Variants in LYPD6B observed in about 807,000 individuals in gnomAD.
The protein encoded by LYPD6B is ly6/PLAUR domain-containing protein 6B.
In LYPD6B, 17 loss-of-function variants were observed where a neutral mutation model predicts 22.8. The observed-to-expected ratio is 0.75, with a 90% CI of 0.51 to 1.12. The LOEUF is 1.12. Ranked by LOEUF, LYPD6B falls within the 50% of genes most tolerant of loss-of-function variation. LYPD6B has a pLI of 0.00. For synonymous variants in LYPD6B, 106 were observed against 91.6 expected (o/e 1.16, Z -0.90); for missense variants, 221 against 258.3 (o/e 0.86, Z 0.99).
At chr2:149,160,466 G>A (rs1160892170) in intron 2 of LYPD6B, 6 of 506,454 alleles carry the variant, frequency 1.2e-5, no homozygotes, top group Non-Finnish European at 1.9e-5. Context: ...CATTTTTGTG[G>A]AGGGATGTGA....
intron 3 of LYPD6B, among the ~76,000 whole-genome samples, chr2:149,174,168 G>A (rs983040951): frequency 6.6e-6 from 1 of 152,164 alleles, no homozygotes; most frequent in African/African-American, 2.4e-5. Flanking sequence ...GTGAATGGGA[G>A]TTCATTCATG....
intron 1 of LYPD6B, among the ~76,000 whole-genome samples, chr2:149,082,339 G>T (rs1445604736): frequency 3.3e-5 from 5 of 152,286 alleles, no homozygotes; most frequent in African/African-American, 1.2e-4. Flanking sequence ...TGCTTTCACT[G>T]CCATGATAGA....
intron 1 of LYPD6B, among the ~76,000 whole-genome samples, chr2:149,128,910 T>C (rs1201398303): frequency 6.6e-6 from 1 of 152,198 alleles, no homozygotes; most frequent in Non-Finnish European, 1.5e-5. Flanking sequence ...GTTGTAACCA[T>C]AAGAAAATCT....
At chr2:149,056,795 C>T (rs999946803) in intron 1 of LYPD6B, among the ~76,000 whole-genome samples, 3 of 152,130 alleles carry the variant, frequency 2.0e-5, no homozygotes, top group Non-Finnish European at 4.4e-5. Context: ...GTCTAGGATT[C>T]CTGCTTCTCC....
intron 2 of LYPD6B, among the ~76,000 whole-genome samples, chr2:149,158,299 A>C (rs1689834187): frequency 6.6e-6 from 1 of 152,208 alleles, no homozygotes; most frequent in African/African-American, 2.4e-5. Flanking sequence ...GGGTAAACAA[A>C]ATGTGGTATA....
At chr2:149,151,243 CGG>C (rs1689354639) in intron 2 of LYPD6B, among the ~76,000 whole-genome samples, 1 of 152,046 alleles carries the variant, frequency 6.6e-6, no homozygotes, top group African/African-American at 2.4e-5. Flanking sequence ...GTAGTTTCTC[CGG>C]AGAAGAATTC....
intron 1 of LYPD6B, among the ~76,000 whole-genome samples, chr2:149,086,338 G>A (rs945125603): frequency 1.3e-5 from 2 of 152,202 alleles, no homozygotes; most frequent in Non-Finnish European, 2.9e-5. Flanking sequence ...CTTTGGACTT[G>A]TGGATATTGG....
chr2:149,181,671 A>G (rs748024116), intron 3 of LYPD6B, among the ~76,000 whole-genome samples: 3 of 152,208 alleles, frequency 2.0e-5, no homozygotes, highest in Non-Finnish European at 4.4e-5. Flanking sequence ...TGAATCCTCC[A>G]TGGATAATTC....
chr2:149,060,336 C>T (rs1043017745), intron 1 of LYPD6B, among the ~76,000 whole-genome samples: 4 of 152,164 alleles, frequency 2.6e-5, no homozygotes, highest in African/African-American at 9.7e-5. Flanking sequence ...AAAATCCTAT[C>T]TGTCTTGTAG....
intron 1 of LYPD6B, among the ~76,000 whole-genome samples, chr2:149,042,722 A>G (rs1387172158): frequency 3.9e-5 from 6 of 152,192 alleles, no homozygotes; most frequent in East Asian, 1.9e-4. Flanking sequence ...AAGTACAGAA[A>G]TAAAAAATAA....
intron 2 of LYPD6B, among the ~76,000 whole-genome samples, chr2:149,155,899 G>A (rs1187653844): frequency 6.6e-6 from 1 of 152,180 alleles, no homozygotes; most frequent in Non-Finnish European, 1.5e-5. Flanking sequence ...GAAGGAAAAA[G>A]CGATTATTTA....
intron 3 of LYPD6B, among the ~76,000 whole-genome samples, chr2:149,174,007 G>A (rs1321767640): frequency 6.6e-6 from 1 of 152,148 alleles, no homozygotes; most frequent in Non-Finnish European, 1.5e-5. Context: ...TCACAATATT[G>A]ATGCCTCCTT....
Position 149,043,300 on chromosome 2 carries a change from A to G in LYPD6B, c.-67+4499A>G, listed in dbSNP as rs992016872. ...TTATCTCCTGAATTCAAAGAAAACT[A>G]ACTTCTTTTGGGTCAATATAAAGTA... On this transcript the variant is annotated intron_variant, in intron 1 of 6. Transcript: ENST00000409642. Among the ~76,000 whole-genome samples the G allele has an allele frequency of 2.0e-5, 3 of 152,208 alleles. No homozygotes were observed. The South Asian group carries it at 6.2e-4, about 32-fold the overall frequency.
chr2:149,076,983 A>G (rs1558983796), intron 1 of LYPD6B, among the ~76,000 whole-genome samples: 1 of 152,090 alleles, frequency 6.6e-6, no homozygotes, highest in Non-Finnish European at 1.5e-5. Context: ...GAGAAGTGAA[A>G]ACATTCCTAA....
chr2:149,116,987 C>T (rs539781462), intron 1 of LYPD6B, among the ~76,000 whole-genome samples: 2 of 152,092 alleles, frequency 1.3e-5, no homozygotes, highest in Non-Finnish European at 2.9e-5. Context: ...TTCCTAATAT[C>T]TAAATACTCT....
intron 1 of LYPD6B, among the ~76,000 whole-genome samples, chr2:149,067,549 T>G (rs1029964838): frequency 6.2e-5 from 9 of 145,494 alleles, no homozygotes; most frequent in Admixed American, 4.2e-4. Flanking sequence ...CTGTGTATAA[T>G]TTTTTAAAAC....
intron 1 of LYPD6B, among the ~76,000 whole-genome samples, chr2:149,058,519 G>A (rs759195068): frequency 2.3e-4 from 35 of 152,226 alleles, no homozygotes; most frequent in Non-Finnish European, 3.5e-4. Context: ...TTCAGCAACA[G>A]AAACACTGCT....
At chr2:149,164,613 C>A (rs1380021003) in intron 3 of LYPD6B, among the ~76,000 whole-genome samples, 5 of 152,198 alleles carry the variant, frequency 3.3e-5, no homozygotes, top group African/African-American at 1.2e-4. Flanking sequence ...AAACAAAATC[C>A]TGTATTCCCA....
chr2:149,081,734 A>G (rs1685146727), intron 1 of LYPD6B, among the ~76,000 whole-genome samples: 2 of 152,332 alleles, frequency 1.3e-5, no homozygotes, highest in Admixed American at 1.3e-4. Context: ...GTCTATCAGC[A>G]TCAAGTTTTT....
Sources: allele counts gnomAD v4.1 joint callset (sites outside exome capture counted in the v4.1 genomes callset), GRCh38; gene constraint gnomAD v4.1.1; transcripts MANE v1.5; gene names NCBI Gene and HGNC (gene_info 2026-07-23, HGNC 2026-07-21).